The following ZNF705G variants were observed in gnomAD, a reference collection of about 807,000 sequenced individuals.
The protein encoded by ZNF705G is zinc finger protein 705G.
Under a neutral mutation model 19.6 loss-of-function variants are expected in ZNF705G, and 23 were observed. The ratio of observed to expected loss-of-function variants is 1.17; its 90% CI spans 0.84 to 1.66. The LOEUF is 1.66. Ranked by LOEUF, ZNF705G falls within the 40% of genes most tolerant of loss-of-function variation. ZNF705G has a pLI of 0.00. For missense variants in ZNF705G, 457 were observed against 354.4 expected (o/e 1.29, Z -2.32); for synonymous variants, 146 against 117.7 (o/e 1.24, Z -1.56).
chr8:7,360,797 A>G (rs1806546419), intron 4 of ZNF705G, among the ~76,000 whole-genome samples: 1 of 149,582 alleles, frequency 6.7e-6, no homozygotes, highest in Admixed American at 6.6e-5. Flanking sequence ...TATTTAGAAA[A>G]TATTTAATTT....
rs572160924 is a variant in ZNF705G, at chr8:7,369,864, C to A, written c.-71-6847G>T. 6.0e-5 allele frequency among the ~76,000 whole-genome samples: 9 copies of A among 148,920 alleles called. No individual in the cohort carries two copies. In the South Asian group the frequency reaches 1.1e-3, roughly 17 times the overall value. On this transcript the variant is annotated intron_variant, in intron 2 of 6. Transcript: ENST00000400156. Reference sequence around the variant, plus strand: ...TTACACATGGACGTAAAGATCAGAACAACAGATACTGGGAACTACTAGAGG... The same window carrying A: ...TTACACATGGACGTAAAGATCAGAAAAACAGATACTGGGAACTACTAGAGG...
At chr8:7,366,146 C>A (rs558281786) in intron 2 of ZNF705G, among the ~76,000 whole-genome samples, 1 of 147,578 alleles carries the variant, frequency 6.8e-6, no homozygotes, top group Non-Finnish European at 1.5e-5. Context: ...TCAGATTACA[C>A]TATAAATGGA....
chr8:7,362,569 C>T (rs1424259376), intron 3 of ZNF705G, among the ~76,000 whole-genome samples: 1 of 149,526 alleles, frequency 6.7e-6, no homozygotes, highest in Non-Finnish European at 1.5e-5. Flanking sequence ...TCAATTATTT[C>T]CCTATGAGAT....
chr8:7,368,304 C>A lies in ZNF705G; in HGVS notation c.-71-5287G>T, dbSNP rs374581177. ...GAAGGAAAAATATGAACATTAATTC[C>A]TTTTTTTAATCATAAGTACTTTTGA... On this transcript the variant is annotated intron_variant, in intron 2 of 6. Coordinates refer to ENST00000400156, the MANE Select transcript of ZNF705G (RefSeq NM_001164457.3). Among the ~76,000 whole-genome samples the A allele has an allele frequency of 2.5e-4, 38 of 149,344 alleles. 1 individual carries two copies. Among genetic ancestry groups the A allele is most frequent in the Middle Eastern group, 3.5e-3 (1 of 288 alleles).
At chr8:7,365,456 G>A (rs1380032951) in intron 2 of ZNF705G, among the ~76,000 whole-genome samples, 1 of 139,002 alleles carries the variant, frequency 7.2e-6, no homozygotes, top group African/African-American at 3.0e-5. Flanking sequence ...TCGGCTCACC[G>A]CAACCTCCAC....
chr8:7,363,055 G>C, intron 2 of ZNF705G, 38 bp from the exon 3 acceptor site: 3 of 1,583,130 alleles, frequency 1.9e-6, no homozygotes, highest in Non-Finnish European at 1.7e-6. Context: ...CACCAGTCTT[G>C]TGCACAATTT....
At chr8:7,367,249 C>A (rs578002066) in intron 2 of ZNF705G, among the ~76,000 whole-genome samples, 2 of 149,306 alleles carry the variant, frequency 1.3e-5, no homozygotes, top group East Asian at 1.9e-4. Flanking sequence ...CAGGAGAGGG[C>A]TCTTCCCCTA....
chr8:7,367,618 C>G (rs1271320294), intron 2 of ZNF705G, among the ~76,000 whole-genome samples: 1 of 149,630 alleles, frequency 6.7e-6, no homozygotes, highest in Non-Finnish European at 1.5e-5. Flanking sequence ...GAGGAAAACC[C>G]AACGCAGGAT....
At chr8:7,383,550 G>T (rs540255236) in intron 1 of ZNF705G, among the ~76,000 whole-genome samples, 1 of 146,606 alleles carries the variant, frequency 6.8e-6, no homozygotes, top group Non-Finnish European at 1.5e-5. Context: ...GAGGGAGGAA[G>T]GAGGTAAGGA....
At position 7,361,524 on chromosome 8, in the gene ZNF705G, A is replaced by G. The variant is rs192646690; in HGVS notation, c.13-288T>C. Among the ~76,000 whole-genome samples the G allele has an allele frequency of 1.3e-5, 2 of 149,740 alleles. 1 individual carries two copies. The highest frequency in any genetic ancestry group is 2.9e-5 in the Non-Finnish European group (2 of 68,024). ...TGTGTTAATCACCTCTACATAACTG[A>G]TTATAAAATTTTCACTTGAACATTC... is the stretch of plus-strand genomic sequence containing the variant. On this transcript the variant is annotated intron_variant, in intron 3 of 6. Transcript: ENST00000400156.
At chr8:7,368,290 A>G (rs1585418812) in intron 2 of ZNF705G, among the ~76,000 whole-genome samples, 1 of 149,566 alleles carries the variant, frequency 6.7e-6, no homozygotes, top group Admixed American at 6.6e-5. Flanking sequence ...AAGGAAAAAT[A>G]TGAACATTAA....
At chr8:7,381,953 T>C (rs1324559265) in intron 1 of ZNF705G, among the ~76,000 whole-genome samples, 1 of 152,194 alleles carries the variant, frequency 6.6e-6, no homozygotes, top group South Asian at 2.1e-4. Flanking sequence ...TAATTTTGGG[T>C]AACTAATACT....
At chr8:7,363,725 A>G (rs1279302899) in intron 2 of ZNF705G, among the ~76,000 whole-genome samples, 3 of 149,312 alleles carry the variant, frequency 2.0e-5, no homozygotes, top group South Asian at 4.2e-4. Context: ...GGAGGCTGAA[A>G]CAGGAGAATC....
At chr8:7,359,961 A>G (rs1308056737) in intron 5 of ZNF705G, among the ~76,000 whole-genome samples, 8 of 149,516 alleles carry the variant, frequency 5.4e-5, no homozygotes, top group Non-Finnish European at 8.8e-5. Context: ...TCACAGGGGT[A>G]TCAGGAAAAG....
Position 7,370,321 on chromosome 8 carries a change from G to C in ZNF705G, c.-71-7304C>G, listed in dbSNP as rs535715328. Among the ~76,000 whole-genome samples, 20 of 146,572 alleles carry C rather than the reference G, an allele frequency of 1.4e-4. No individual in the cohort carries two copies. The South Asian group carries it at 3.9e-3, about 28-fold the overall frequency. On this transcript the variant is annotated intron_variant, in intron 2 of 6. Coordinates refer to ENST00000400156, the MANE Select transcript of ZNF705G (RefSeq NM_001164457.3). ...TGAGTAGACATTTCCCAGAAGAACA[G>C]ATACAAATGGCCAACAAATATATGA...
In ZNF705G at chr8:7,356,358, C is replaced by T. The variant is rs1806244434; in HGVS notation, c.*1618G>A. On this transcript the variant is annotated 3_prime_UTR_variant, in exon 7 of 7. Coordinates refer to ENST00000400156, the MANE Select transcript of ZNF705G (RefSeq NM_001164457.3). ...ATGTGGGGTGTTATGAGATGAACTG[C>T]TACTTCCAGTTAGAGAGGCTCCAGG... The T allele has an allele frequency of 6.7e-6, 1 of 149,764 alleles. No homozygotes were observed. Among genetic ancestry groups the T allele is most frequent in the Admixed American group, 6.6e-5 (1 of 15,228 alleles). The allele number at this position is 149,764 out of a possible 1,614,324, so 9.3% of individuals were successfully genotyped here.
intron 3 of ZNF705G, among the ~76,000 whole-genome samples, chr8:7,361,644 G>A (rs1056720981): frequency 6.7e-6 from 1 of 149,636 alleles, no homozygotes; most frequent in African/African-American, 2.6e-5. Context: ...GCATGACTCT[G>A]ATGAAATAAA....
intron 4 of ZNF705G, among the ~76,000 whole-genome samples, 168 bp downstream of exon 4, chr8:7,360,942 A>G (rs183108253): frequency 0.011 from 1,624 of 149,582 alleles, 32 homozygotes; most frequent in Non-Finnish European, 0.016. Flanking sequence ...AATAAAAAGA[A>G]AGATATTTAT....
chr8:7,364,647 C>A (rs1344361859), intron 2 of ZNF705G, among the ~76,000 whole-genome samples: 1 of 149,506 alleles, frequency 6.7e-6, no homozygotes, highest in Non-Finnish European at 1.5e-5. Context: ...GTATTTAGAC[C>A]CCAGGTCCCA....
Sources: gnomAD v4.1 joint callset for allele counts (sites outside exome capture counted in the v4.1 genomes callset) on GRCh38, gnomAD v4.1.1 for gene constraint, MANE v1.5 for transcripts, NCBI Gene and HGNC (gene_info 2026-07-23, HGNC 2026-07-21) for gene names.